Variants in FILIP1L observed in about 807,000 individuals in gnomAD.
FILIP1L encodes filamin A-interacting protein 1-like.
In FILIP1L, 55 loss-of-function variants were observed where a neutral mutation model predicts 96.6. That is an observed-to-expected ratio of 0.57 (90% CI 0.46 to 0.71). The LOEUF (loss-of-function observed/expected upper bound fraction) is 0.71, where lower values mean the gene tolerates loss of function less well. Among genes scored for constraint, FILIP1L ranks in the 30% least tolerant of loss-of-function variants. The probability of loss-of-function intolerance (pLI) is 0.00; values close to 1 mark genes in which losing one functional copy is unlikely to be tolerated. For synonymous variants in FILIP1L, 467 were observed against 473.9 expected (o/e 0.99, Z 0.19); for missense variants, 1,304 against 1,321.2 (o/e 0.99, Z 0.20).
At chr3:99,998,054 A>G (rs190421791) in intron 1 of FILIP1L, among the ~76,000 whole-genome samples, 6 of 152,366 alleles carry the variant, frequency 3.9e-5, no homozygotes, top group Admixed American at 2.0e-4. Context: ...AACACAAGTT[A>G]ACTAGTGTTT....
chr3:100,110,517 A>G (rs1468842548), intron 1 of FILIP1L, among the ~76,000 whole-genome samples: 2 of 152,204 alleles, frequency 1.3e-5, no homozygotes, highest in Non-Finnish European at 2.9e-5. Context: ...AAAAGTAGCT[A>G]AAAGCCTCCA....
At chr3:100,016,568 C>T (rs923643953) in intron 1 of FILIP1L, among the ~76,000 whole-genome samples, 1 of 152,102 alleles carries the variant, frequency 6.6e-6, no homozygotes, top group African/African-American at 2.4e-5. Context: ...AAACTTCCTC[C>T]CTGATGTGAA....
rs545561016 is a variant in FILIP1L at position 99,880,690 on chromosome 3, A to T, written c.606-29620T>A. On this transcript the variant is annotated intron_variant, in intron 4 of 5. Transcript: ENST00000477258. ...TTTTTTGTTTTAAAATTAATTTAAA[A>T]TTTTTTTTATTTTAAAATTAATAGG... 2.4e-4 allele frequency among the ~76,000 whole-genome samples: 37 copies of T among 152,052 alleles called. 1 individual carries two copies. In the South Asian group the frequency reaches 3.3e-3, roughly 14 times the overall value.
At chr3:100,106,653 T>G (rs1191947899) in intron 1 of FILIP1L, among the ~76,000 whole-genome samples, 2 of 152,316 alleles carry the variant, frequency 1.3e-5, no homozygotes, top group East Asian at 3.9e-4. Flanking sequence ...CAGAAGCATA[T>G]GCATGCTCAC....
intron 5 of FILIP1L, among the ~76,000 whole-genome samples, chr3:99,839,313 C>T (rs1033547496): frequency 2.0e-5 from 3 of 152,166 alleles, no homozygotes; most frequent in South Asian, 2.1e-4. Flanking sequence ...TGCATAGCTG[C>T]CTGGCACAAT....
rs1392687224 is a variant in FILIP1L at position 99,850,792 on chromosome 3, AGTT to A, written c.881_883del (p.Glu294_Leu295delinsVal). ...GTGAAACTTTGTGGTCTGCGTTTGC[AGTT>A]CCTTCTCTAGTCTGGTTGCCTTCTG... On this transcript the variant is annotated inframe_deletion, in exon 5 of 6. Coordinates refer to ENST00000477258, the MANE Select transcript of FILIP1L (RefSeq NM_001387850.1). 6.2e-7 allele frequency: 1 copy of A among 1,614,126 alleles called. No individual in the cohort carries two copies. Among genetic ancestry groups the A allele is most frequent in the South Asian group, 1.1e-5 (1 of 91,082 alleles).
At chr3:99,923,043 C>G (rs115311876) in intron 4 of FILIP1L, among the ~76,000 whole-genome samples, 1 of 151,858 alleles carries the variant, frequency 6.6e-6, no homozygotes, top group East Asian at 1.9e-4. Flanking sequence ...AGTCTTTGCT[C>G]ACTTCATTTC....
chr3:100,039,992 A>T (rs573648217), intron 1 of FILIP1L: 1 of 152,320 alleles, frequency 6.6e-6, no homozygotes, highest in East Asian at 1.9e-4. Context: ...TGACCTCATC[A>T]TCCGCCCACC....
intron 1 of FILIP1L, among the ~76,000 whole-genome samples, chr3:99,991,005 G>A (rs988490198): frequency 3.3e-5 from 5 of 152,098 alleles, no homozygotes; most frequent in Non-Finnish European, 7.4e-5. Flanking sequence ...AGGTGCTCCA[G>A]AAATATCCAC....
At chr3:99,921,878 C>A (rs1385810386) in intron 4 of FILIP1L, among the ~76,000 whole-genome samples, 1 of 152,152 alleles carries the variant, frequency 6.6e-6, no homozygotes, top group Non-Finnish European at 1.5e-5. Context: ...CCCCACTGAT[C>A]TTTTGTTCCC....
intron 1 of FILIP1L, among the ~76,000 whole-genome samples, chr3:100,090,535 A>G (rs368355426): frequency 7.6e-4 from 115 of 152,286 alleles, no homozygotes; most frequent in African/African-American, 2.7e-3. Flanking sequence ...AGGCCCTCCC[A>G]GTGGTAGGTT....
At chr3:99,995,738 G>A (rs147160495) in intron 1 of FILIP1L, among the ~76,000 whole-genome samples, 86 of 152,320 alleles carry the variant, frequency 5.6e-4, no homozygotes, top group African/African-American at 1.9e-3. Context: ...TCAACACCAC[G>A]TGGAAGCTGC....
At chr3:99,867,035 A>C (rs376302175) in intron 4 of FILIP1L, among the ~76,000 whole-genome samples, 49 of 152,360 alleles carry the variant, frequency 3.2e-4, no homozygotes, top group African/African-American at 1.2e-3. Flanking sequence ...GAAAATGCAT[A>C]AACAGTCTGA....
At chr3:99,986,009 A>C (rs1269156695) in intron 1 of FILIP1L, among the ~76,000 whole-genome samples, 1 of 152,246 alleles carries the variant, frequency 6.6e-6, no homozygotes, top group African/African-American at 2.4e-5. Context: ...ACTTAATGAG[A>C]TACAGTTTGC....
chr3:100,036,206 C>T (rs1206578363), intron 1 of FILIP1L, among the ~76,000 whole-genome samples: 1 of 152,160 alleles, frequency 6.6e-6, no homozygotes, highest in Non-Finnish European at 1.5e-5. Context: ...ATCAATGACA[C>T]CTTGTAGCAA....
At chr3:99,834,616 A>G (rs1378212366) in intron 5 of FILIP1L, among the ~76,000 whole-genome samples, 1 of 152,126 alleles carries the variant, frequency 6.6e-6, no homozygotes, top group Non-Finnish European at 1.5e-5. Context: ...CTTTTTATCC[A>G]TCTGTGAACT....
rs924330608 is a variant in FILIP1L at position 99,931,121 on chromosome 3, T to G, written c.-10-91A>C. Reference sequence around the variant, plus strand: ...CTGCTTTAACAAGTCTACATTCTTGTTATATTTACCACAGCCCCAAAGTCA... The same window carrying G: ...CTGCTTTAACAAGTCTACATTCTTGGTATATTTACCACAGCCCCAAAGTCA... On this transcript the variant is annotated intron_variant, in intron 1 of 5. Transcript: ENST00000477258. 16 of 1,080,730 alleles carry G rather than the reference T, an allele frequency of 1.5e-5. No homozygotes were observed. In the African/African-American group the frequency reaches 1.7e-4, roughly 12 times the overall value. The allele number at this position is 1,080,730 out of a possible 1,614,324, so 66.9% of individuals were successfully genotyped here.
intron 1 of FILIP1L, among the ~76,000 whole-genome samples, chr3:99,987,131 G>A (rs978346559): frequency 1.4e-4 from 22 of 152,128 alleles, no homozygotes; most frequent in African/African-American, 5.1e-4. Context: ...TCAGGAGGCT[G>A]AGGCAGGAGG....
intron 4 of FILIP1L, among the ~76,000 whole-genome samples, chr3:99,905,265 A>C (rs1384462083): frequency 2.0e-5 from 3 of 152,040 alleles, no homozygotes; most frequent in Non-Finnish European, 4.4e-5. Context: ...GAAACTCCCA[A>C]ATTTTTACCT....
Sources: gnomAD v4.1 joint callset for allele counts (sites outside exome capture counted in the v4.1 genomes callset) on GRCh38, gnomAD v4.1.1 for gene constraint, MANE v1.5 for transcripts, NCBI Gene and HGNC (gene_info 2026-07-23, HGNC 2026-07-21) for gene names.